CHLSN: variants seen among roughly 807,000 people sequenced by gnomAD.
The protein encoded by CHLSN is protein cholesin.
chr7:1,107,792 T>C, the CHLSN span, among the ~76,000 whole-genome samples: 27,919 of 112,672 alleles, frequency 0.25, 3,387 homozygotes, highest in Middle Eastern at 0.44. Context: ...ACTGGAGTCC[T>C]GCACCCCTGG....
the CHLSN span, among the ~76,000 whole-genome samples, chr7:1,106,745 G>A: frequency 3.8e-3 from 583 of 152,338 alleles, 4 homozygotes; most frequent in African/African-American, 0.013. Flanking sequence ...CGGTGCTGCC[G>A]GAGGGAATCC....
chr7:1,064,182 C>G, the CHLSN span, among the ~76,000 whole-genome samples: 3 of 152,124 alleles, frequency 2.0e-5, no homozygotes, highest in Non-Finnish European at 2.9e-5. Context: ...TCCCCGGGAA[C>G]ACCGTGACCG....
At chr7:1,127,379 T>G in the CHLSN span, 1 of 1,606,722 alleles carries the variant, frequency 6.2e-7, no homozygotes, top group Admixed American at 1.7e-5. Flanking sequence ...CTCTTCTGTT[T>G]TGCCATCCTG....
At chr7:1,107,826 C>G in the CHLSN span, among the ~76,000 whole-genome samples, 5 of 150,490 alleles carry the variant, frequency 3.3e-5, no homozygotes, top group Non-Finnish European at 5.9e-5. Context: ...GGGCTGTGTC[C>G]CACACTGGAG....
chr7:1,105,930 C>T, the CHLSN span, among the ~76,000 whole-genome samples: 1 of 152,124 alleles, frequency 6.6e-6, no homozygotes, highest in East Asian at 1.9e-4. Flanking sequence ...GCTGAGAGTT[C>T]GGCCGTGTCA....
the CHLSN span, among the ~76,000 whole-genome samples, chr7:1,011,210 G>A: frequency 1.6e-3 from 110 of 68,604 alleles, 1 homozygote; most frequent in Non-Finnish European, 1.1e-3. Context: ...CCACAGACAC[G>A]GACACATACC....
chr7:990,932 G>C, the CHLSN span, among the ~76,000 whole-genome samples: 22 of 152,204 alleles, frequency 1.4e-4, no homozygotes, highest in African/African-American at 4.8e-4. Flanking sequence ...GCTCCCGGGT[G>C]GGGTGGAGGA....
the CHLSN span, among the ~76,000 whole-genome samples, chr7:1,009,486 C>A: frequency 6.6e-6 from 1 of 152,304 alleles, no homozygotes; most frequent in Admixed American, 6.5e-5. Context: ...CCCAGCCACG[C>A]CGCAGGCAGC....
chr7:1,123,436 G>A, the CHLSN span, among the ~76,000 whole-genome samples: 1 of 152,086 alleles, frequency 6.6e-6, no homozygotes, highest in Non-Finnish European at 1.5e-5. The surrounding 1 kb of genome is among the most constrained non-coding windows in gnomAD (Gnocchi z 4.4). Flanking sequence ...CTCCATCCTC[G>A]ATGGTGGATT....
chr7:1,008,108 C>G, the CHLSN span, among the ~76,000 whole-genome samples: 1 of 152,208 alleles, frequency 6.6e-6, no homozygotes, highest in South Asian at 2.1e-4. Context: ...CCCGAGGCAC[C>G]TGCCAGTGGA....
chr7:1,129,337 C>T, the CHLSN span, among the ~76,000 whole-genome samples: 2 of 20,542 alleles, frequency 9.7e-5, 1 homozygote, highest in African/African-American at 1.4e-3. Flanking sequence ...TCGGCTCATC[C>T]CACCGTCACC....
At chr7:1,037,374 C>T in the CHLSN span, among the ~76,000 whole-genome samples, 3 of 134,646 alleles carry the variant, frequency 2.2e-5, no homozygotes, top group African/African-American at 5.4e-5. Flanking sequence ...CCTGCCTCAG[C>T]CTGCCGAGTG....
At chr7:1,058,747 A>T in the CHLSN span, 1 of 559,578 alleles carries the variant, frequency 1.8e-6, no homozygotes. Flanking sequence ...TCTCCCAAAC[A>T]CGCAGCTCAA....
chr7:1,064,263 C>T, the CHLSN span, among the ~76,000 whole-genome samples: 56 of 152,260 alleles, frequency 3.7e-4, no homozygotes, highest in Middle Eastern at 0.02. Flanking sequence ...TGGGCTGTGA[C>T]GTGAAGATGG....
At chr7:1,079,967 C>T in the CHLSN span, among the ~76,000 whole-genome samples, 2 of 152,240 alleles carry the variant, frequency 1.3e-5, no homozygotes, top group Admixed American at 6.5e-5. Flanking sequence ...AGCCCCTCTG[C>T]GTGGCTCAGG....
chr7:1,011,927 A>G, the CHLSN span, among the ~76,000 whole-genome samples: 2 of 152,156 alleles, frequency 1.3e-5, no homozygotes, highest in African/African-American at 4.8e-5. Context: ...TCTGAGACCC[A>G]CCAGGCCAGG....
chr7:1,000,127 C>A, the CHLSN span, among the ~76,000 whole-genome samples: 1 of 152,244 alleles, frequency 6.6e-6, no homozygotes, highest in Non-Finnish European at 1.5e-5. Flanking sequence ...GGAGGCAACG[C>A]TGCTCATCTC....
At chr7:1,079,139 C>A in the CHLSN span, among the ~76,000 whole-genome samples, 1 of 152,208 alleles carries the variant, frequency 6.6e-6, no homozygotes, top group Non-Finnish European at 1.5e-5. Flanking sequence ...ACCAGCAGGG[C>A]ACAAAGGTGG....
the CHLSN span, among the ~76,000 whole-genome samples, chr7:1,136,389 C>CATATATA: frequency 1.0e-5 from 1 of 97,208 alleles, no homozygotes; most frequent in Non-Finnish European, 1.8e-5. Flanking sequence ...AATATATAAA[C>CATATATA]ATATATATAA....
Sources: gnomAD v4.1 joint callset for allele counts (sites outside exome capture counted in the v4.1 genomes callset) on GRCh38, gnomAD v4.1.1 for gene constraint, Gnocchi (gnomAD v3.1) non-coding constraint, MANE v1.5 for transcripts, NCBI Gene and HGNC (gene_info 2026-07-23, HGNC 2026-07-21) for gene names.